PDE3B: variants seen among roughly 807,000 people sequenced by gnomAD.
PDE3B encodes cGMP-inhibited 3',5'-cyclic phosphodiesterase 3B.
Under a neutral mutation model 116.8 loss-of-function variants are expected in PDE3B, and 66 were observed. The ratio of observed to expected loss-of-function variants is 0.56; its 90% CI spans 0.46 to 0.69. PDE3B has a LOEUF of 0.69. Ranked by LOEUF, PDE3B falls within the 30% of genes least tolerant of loss-of-function variation. The pLI, the probability that PDE3B is intolerant of heterozygous loss-of-function variation, is 0.00. For missense variants in PDE3B, 1,384 were observed against 1,368.1 expected (o/e 1.01, Z -0.18); for synonymous variants, 595 against 533.6 (o/e 1.12, Z -1.59).
chr11:14,868,441 G>T (rs1555008458), intron 15 of PDE3B, among the ~76,000 whole-genome samples: 22 of 152,150 alleles, frequency 1.4e-4, no homozygotes. Flanking sequence ...CAGTGGGGGG[G>T]AGGGGGGAAG....
chr11:14,820,508 A>G (rs1859482895), intron 7 of PDE3B, among the ~76,000 whole-genome samples: 1 of 152,196 alleles, frequency 6.6e-6, no homozygotes, highest in Non-Finnish European at 1.5e-5. Flanking sequence ...GGTGTTGAGA[A>G]TGTTCTAAAA....
rs754435121 is a variant in PDE3B at position 14,831,626 on chromosome 11, C to T, written c.1957-14C>T. 18 of 1,468,804 alleles carry T rather than the reference C, an allele frequency of 1.2e-5. No homozygotes were observed. The South Asian group carries it at 2.4e-4, about 20-fold the overall frequency. The allele number at this position is 1,468,804 out of a possible 1,614,324, so 91.0% of individuals were successfully genotyped here. ...AAAAGATAAAATAAAGTTGTTGTTT[C>T]CCTGTATGTACAGATTGAACAGGAA... On this transcript the variant is annotated splice_polypyrimidine_tract_variant and intron_variant, in intron 8 of 15. Coordinates refer to ENST00000282096, the MANE Select transcript of PDE3B (RefSeq NM_000922.4).
the PDE3B span, among the ~76,000 whole-genome samples, chr11:14,897,446 A>G: frequency 6.6e-6 from 1 of 152,118 alleles, no homozygotes; most frequent in Admixed American, 6.5e-5. Context: ...ACCCCAAACA[A>G]TTTTTAATCA....
intron 1 of PDE3B, among the ~76,000 whole-genome samples, chr11:14,737,151 A>G (rs1856622162): frequency 6.6e-6 from 1 of 152,216 alleles, no homozygotes; most frequent in South Asian, 2.1e-4. Flanking sequence ...AAAAAGCACA[A>G]TGTCAGTGAT....
At chr11:14,764,577 G>A (rs1201274955) in intron 1 of PDE3B, among the ~76,000 whole-genome samples, 1 of 151,962 alleles carries the variant, frequency 6.6e-6, no homozygotes, top group Non-Finnish European at 1.5e-5. Flanking sequence ...CATAATGGTT[G>A]GTCCTTAAAG....
At chr11:14,752,024 A>G (rs903824604) in intron 1 of PDE3B, among the ~76,000 whole-genome samples, 4 of 152,212 alleles carry the variant, frequency 2.6e-5, no homozygotes. Context: ...CACCACAAGT[A>G]TGACAAAAAG....
At chr11:14,778,786 C>T (rs553056157) in intron 2 of PDE3B, among the ~76,000 whole-genome samples, 141 of 152,282 alleles carry the variant, frequency 9.3e-4, no homozygotes, top group African/African-American at 3.2e-3. Context: ...CGCAGCTCCT[C>T]GCCAGCAATG....
At chr11:14,853,053 G>C (rs1847785274) in intron 12 of PDE3B, among the ~76,000 whole-genome samples, 1 of 148,460 alleles carries the variant, frequency 6.7e-6, no homozygotes, top group Admixed American at 6.8e-5. Flanking sequence ...AGTCTCACTG[G>C]CTTCCTTGCT....
chr11:14,818,352 T>G lies in PDE3B; in HGVS notation c.1692T>G (p.Phe564Leu), dbSNP rs369088329. 92 of 1,613,126 alleles carry G rather than the reference T, an allele frequency of 5.7e-5. No homozygotes were observed. In the Middle Eastern group the frequency reaches 1.8e-3, roughly 32 times the overall value. Residue 564 changes from phenylalanine to leucine, a missense_variant, in exon 6 of 16, where the codon TTT becomes TTG. Physicochemically the swap from Phe to Leu is conservative, Grantham distance 22. This residue lies in a region of PDE3B where 956 missense variants were observed against 806.8 expected (regional missense o/e 1.18). Transcript: ENST00000282096. ...GCAATGCACCTAATACTCCAGATTT[T>G]TATCAGCAACTTAGAAATTCTGATA... ...SLGNAPNTPD[F>L]YQQLRNSDSN...
chr11:14,664,539 AAG>A lies in PDE3B; in HGVS notation c.978+19492_978+19493del, dbSNP rs766471169. ...CGCTAACAAGACTAATAAAGAAGAA[AAG>A]AGAGAAGAATCAAATAGACACAATA... On this transcript the variant is annotated intron_variant, in intron 1 of 15. Coordinates refer to ENST00000282096, the MANE Select transcript of PDE3B (RefSeq NM_000922.4). 2.4e-4 allele frequency among the ~76,000 whole-genome samples: 36 copies of A among 152,054 alleles called. 1 individual carries two copies. Among genetic ancestry groups the A allele is most frequent in the Non-Finnish European group, 1.3e-4 (9 of 67,958 alleles).
chr11:14,713,204 A>G (rs570167743), intron 1 of PDE3B, among the ~76,000 whole-genome samples: 12 of 152,360 alleles, frequency 7.9e-5, no homozygotes, highest in African/African-American at 2.6e-4. Flanking sequence ...TATTAAGTAT[A>G]TAAACATTAT....
At chr11:14,823,235 T>C (rs556390259) in intron 7 of PDE3B, among the ~76,000 whole-genome samples, 132 of 152,264 alleles carry the variant, frequency 8.7e-4, no homozygotes, top group Middle Eastern at 3.4e-3. Context: ...CGCAGCACAG[T>C]AGCTCTATGG....
chr11:14,733,809 T>C (rs907745152), intron 1 of PDE3B, among the ~76,000 whole-genome samples: 1 of 152,112 alleles, frequency 6.6e-6, no homozygotes, highest in Non-Finnish European at 1.5e-5. Context: ...GAATGAGATG[T>C]AATTTTTTTA....
At chr11:14,703,648 C>A (rs930417541) in intron 1 of PDE3B, among the ~76,000 whole-genome samples, 2 of 151,698 alleles carry the variant, frequency 1.3e-5, no homozygotes, top group East Asian at 3.9e-4. Flanking sequence ...GTCCAGGTAA[C>A]ACTAGATTTA....
intron 1 of PDE3B, among the ~76,000 whole-genome samples, chr11:14,697,044 C>T (rs1323085626): frequency 6.6e-6 from 1 of 152,018 alleles, no homozygotes; most frequent in East Asian, 1.9e-4. Flanking sequence ...TCAAGTGAGC[C>T]TCCTGCCTCC....
chr11:14,735,997 A>T (rs1268526547), intron 1 of PDE3B, among the ~76,000 whole-genome samples: 13 of 106,162 alleles, frequency 1.2e-4, no homozygotes, highest in East Asian at 8.7e-4. Flanking sequence ...TGTGTGTGTG[A>T]CTCCTTATTG....
At chr11:14,801,034 T>C (rs770574546) in intron 4 of PDE3B, among the ~76,000 whole-genome samples, 38 of 152,164 alleles carry the variant, frequency 2.5e-4, no homozygotes, top group Non-Finnish European at 5.3e-4. Flanking sequence ...ACACTGATTA[T>C]TCTAGTTAGC....
intron 1 of PDE3B, among the ~76,000 whole-genome samples, chr11:14,764,846 C>T (rs1857452012): frequency 1.3e-5 from 2 of 151,812 alleles, no homozygotes; most frequent in Non-Finnish European, 2.9e-5. Flanking sequence ...CCAAGTAATA[C>T]TAGTCTCCTA....
At chr11:14,882,713 T>C in the PDE3B span, among the ~76,000 whole-genome samples, 16 of 152,250 alleles carry the variant, frequency 1.1e-4, 1 homozygote, top group East Asian at 3.1e-3. Flanking sequence ...AAATAAAGGG[T>C]ATTCAATTAG....
Sources: gnomAD v4.1 joint callset for allele counts (sites outside exome capture counted in the v4.1 genomes callset) on GRCh38, gnomAD v4.1.1 for gene constraint, gnomAD v4.1.1 regional missense constraint, MANE v1.5 for transcripts, NCBI Gene and HGNC (gene_info 2026-07-23, HGNC 2026-07-21) for gene names.